Variants in ITGA6 observed in about 807,000 individuals in gnomAD.
The protein encoded by ITGA6 is integrin subunit alpha 6, also known as integrin alpha-6.
ITGA6 carries 63 observed loss-of-function variants against 133.6 expected under a neutral mutation model. The ratio of observed to expected loss-of-function variants is 0.47; its 90% CI spans 0.38 to 0.58. ITGA6 has a LOEUF of 0.58. Ranked by LOEUF, ITGA6 falls within the 20% of genes least tolerant of loss-of-function variation. The pLI is 0.00. For missense variants in ITGA6, 1,068 were observed against 1,309.4 expected (o/e 0.82, Z 2.85); for synonymous variants, 434 against 482.0 (o/e 0.90, Z 1.30).
intron 1 of ITGA6, among the ~76,000 whole-genome samples, chr2:172,431,857 G>GT (rs1684118024): frequency 6.6e-6 from 1 of 152,188 alleles, no homozygotes; most frequent in South Asian, 2.1e-4. Flanking sequence ...AAGGGTCAAA[G>GT]TATTTATATG....
In ITGA6 at chr2:172,475,085, A is replaced by G; in HGVS notation, c.1143A>G (p.Val381=). The G allele has an allele frequency of 6.2e-7, 1 of 1,602,064 alleles. No homozygotes were observed. The highest frequency in any genetic ancestry group is 2.2e-5 in the East Asian group (1 of 44,852). Residue 381 remains valine, a synonymous_variant, in exon 7 of 26, where the codon GTA becomes GTG. Coordinates refer to ENST00000684293, the MANE Select transcript of ITGA6 (RefSeq NM_000210.4). ...AAGATTCTATGTTTGGCATTGCAGTAAAAAATATTGGAGATATTAATCAAG... is the reference window on the plus strand; with the variant it reads ...AAGATTCTATGTTTGGCATTGCAGTGAAAAATATTGGAGATATTAATCAAG... ...GTKDSMFGIA[V]KNIGDINQDG...
rs960649633 is a variant in ITGA6 at position 172,489,464 on chromosome 2, A to G, written c.2506-21A>G. On this transcript the variant is annotated intron_variant, in intron 19 of 25. Coordinates refer to ENST00000684293, the MANE Select transcript of ITGA6 (RefSeq NM_000210.4). ...ACATTGAGAAGATTAGACTGAGATA[A>G]TATGTATTATTTTCTAACAGGTAAT... 25 of 1,574,218 alleles carry G rather than the reference A, an allele frequency of 1.6e-5. No individual in the cohort carries two copies. In the African/African-American group the frequency reaches 2.8e-4, roughly 18 times the overall value.
chr2:172,449,529 G>A (rs1246698738), intron 1 of ITGA6, among the ~76,000 whole-genome samples: 1 of 152,168 alleles, frequency 6.6e-6, no homozygotes. Context: ...GGAAAGATGG[G>A]ACAGCTGACT....
intron 1 of ITGA6, among the ~76,000 whole-genome samples, chr2:172,458,650 C>T (rs1022859035): frequency 6.6e-6 from 1 of 152,076 alleles, no homozygotes; most frequent in African/African-American, 2.4e-5. Context: ...AGGGTGAGAG[C>T]GAGCCAGAAA....
intron 1 of ITGA6, among the ~76,000 whole-genome samples, chr2:172,446,389 A>G (rs1183695096): frequency 2.0e-5 from 3 of 152,236 alleles, no homozygotes; most frequent in Admixed American, 2.0e-4. Flanking sequence ...GTTAACACTG[A>G]TAATATTTAT....
chr2:172,475,720 C>A (rs1428293036), intron 8 of ITGA6, 35 bp downstream of exon 8: 4 of 1,172,810 alleles, frequency 3.4e-6, no homozygotes, highest in South Asian at 2.4e-5. Context: ...CAGCTAGAGT[C>A]TCAACTTTTT....
chr2:172,486,843 C>G (rs1283013798), intron 13 of ITGA6, among the ~76,000 whole-genome samples, 180 bp from the exon 14 acceptor site: 2 of 152,140 alleles, frequency 1.3e-5, no homozygotes, highest in Non-Finnish European at 2.9e-5. Context: ...TCTTCAAACA[C>G]AATTTTACTA....
chr2:172,502,953 T>G (rs765897758), intron 25 of ITGA6, among the ~76,000 whole-genome samples: 1 of 145,814 alleles, frequency 6.9e-6, no homozygotes, highest in Non-Finnish European at 1.5e-5. Flanking sequence ...ATAGGTACTT[T>G]GGCTTTTTTT....
At chr2:172,481,734 C>A (rs1046408701) in intron 11 of ITGA6, among the ~76,000 whole-genome samples, 2 of 152,182 alleles carry the variant, frequency 1.3e-5, no homozygotes, top group African/African-American at 4.8e-5. Flanking sequence ...ACTTCGTGCA[C>A]AGGGGGAGCT....
At position 172,469,333 on chromosome 2, in the gene ITGA6, A is replaced by G; in HGVS notation, c.596A>G (p.Asp199Gly). 6.2e-7 allele frequency: 1 copy of G among 1,614,116 alleles called. No homozygotes were observed. Among genetic ancestry groups the G allele is most frequent in the South Asian group, 1.1e-5 (1 of 91,080 alleles). Reference sequence around the variant, plus strand: ...GGTGTAGCAGCTACTTTTACTAAAGACTTTCATTACATTGTATTTGGAGCC... The same window carrying G: ...GGTGTAGCAGCTACTTTTACTAAAGGCTTTCATTACATTGTATTTGGAGCC... ...QQGVAATFTK[D>G]FHYIVFGAPG... The change falls in exon 4 of 26, where the codon GAC becomes GGC. Residue 199 changes from aspartate to glycine, a missense_variant. By Grantham distance (94) the Asp-to-Gly change is moderately conservative. This residue lies in a region of ITGA6 where 317 missense variants were observed against 456.9 expected (regional missense o/e 0.69). Transcript: ENST00000684293.
chr2:172,453,843 G>A (rs13421350), intron 1 of ITGA6, among the ~76,000 whole-genome samples: 24,273 of 152,174 alleles, frequency 0.16, 2,358 homozygotes, highest in East Asian at 0.29. Context: ...ATAACCATTG[G>A]ATGTCCTGTA....
At chr2:172,473,210 T>C (rs113847210) in intron 5 of ITGA6, among the ~76,000 whole-genome samples, 3 of 152,366 alleles carry the variant, frequency 2.0e-5, no homozygotes, top group African/African-American at 7.2e-5. Flanking sequence ...CACCTTTCTA[T>C]AGAAACATTT....
chr2:172,467,904 T>G (rs2149039540), intron 3 of ITGA6, among the ~76,000 whole-genome samples: 1 of 152,150 alleles, frequency 6.6e-6, no homozygotes, highest in Non-Finnish European at 1.5e-5. Context: ...GGAGAATCGC[T>G]TGAACCTGGG....
At chr2:172,485,469 G>C (rs923755721) in intron 13 of ITGA6, among the ~76,000 whole-genome samples, 1 of 152,222 alleles carries the variant, frequency 6.6e-6, no homozygotes, top group Non-Finnish European at 1.5e-5. Flanking sequence ...TTTGGGGCCA[G>C]AGCGTATTTT....
At chr2:172,450,090 C>T (rs1337358379) in intron 1 of ITGA6, among the ~76,000 whole-genome samples, 1 of 152,106 alleles carries the variant, frequency 6.6e-6, no homozygotes, top group Non-Finnish European at 1.5e-5. Context: ...AGGACAGAAA[C>T]GGAGTCAGTG....
intron 11 of ITGA6, among the ~76,000 whole-genome samples, chr2:172,482,915 T>C (rs1686509305): frequency 6.6e-6 from 1 of 152,236 alleles, no homozygotes; most frequent in Non-Finnish European, 1.5e-5. Flanking sequence ...CTGCCACTTC[T>C]GTTCATCTGT....
At position 172,487,108 on chromosome 2, in the gene ITGA6, G is replaced by C; in HGVS notation, c.1940G>C (p.Gly647Ala). The change falls in exon 14 of 26, where the codon GGA becomes GCA. Residue 647 changes from glycine (G) to alanine (A), a missense_variant. Coordinates refer to ENST00000684293, the MANE Select transcript of ITGA6 (RefSeq NM_000210.4). ...GAATATAAATTTTGCACCCGAGAAGGAAATCAAGACAAATTTTCTTATTTA... is the reference window on the plus strand; with the variant it reads ...GAATATAAATTTTGCACCCGAGAAGCAAATCAAGACAAATTTTCTTATTTA... ...KLEYKFCTRE[G>A]NQDKFSYLPI... 6.2e-7 allele frequency: 1 copy of C among 1,609,996 alleles called. No homozygotes were observed. The highest frequency in any genetic ancestry group is 1.3e-5 in the African/African-American group (1 of 74,952).
rs1436280545 is a variant in ITGA6, at chr2:172,427,850, G to T, written c.62G>T (p.Gly21Val). ...YLSAGLLSRL[G>V]AAFNLDTRED... Reference sequence around the variant, plus strand: ...TCGGCGGGGCTCCTGTCCCGGCTCGGCGCAGCCTTCAACTTGGACACTCGG... The same window carrying T: ...TCGGCGGGGCTCCTGTCCCGGCTCGTCGCAGCCTTCAACTTGGACACTCGG... The change falls in exon 1 of 26, where the codon GGC becomes GTC. Residue 21 changes from glycine (G) to valine (V), a missense_variant. Coordinates refer to ENST00000684293, the MANE Select transcript of ITGA6 (RefSeq NM_000210.4). 6.2e-7 allele frequency: 1 copy of T among 1,606,756 alleles called. No individual in the cohort carries two copies. Among genetic ancestry groups the T allele is most frequent in the Middle Eastern group, 1.7e-4 (1 of 6,050 alleles).
chr2:172,429,201 G>T (rs946718640), intron 1 of ITGA6, among the ~76,000 whole-genome samples: 1 of 151,380 alleles, frequency 6.6e-6, no homozygotes, highest in East Asian at 1.9e-4. Context: ...GATAACACCT[G>T]CTAGGTGAAG....
Sources: allele counts gnomAD v4.1 joint callset (sites outside exome capture counted in the v4.1 genomes callset), GRCh38; gene constraint gnomAD v4.1.1; regional missense constraint gnomAD v4.1.1; transcripts MANE v1.5; gene names NCBI Gene and HGNC (gene_info 2026-07-23, HGNC 2026-07-21).